Variants in CCDC146 observed in about 807,000 individuals in gnomAD.
CCDC146 encodes the protein coiled-coil domain-containing protein 146.
CCDC146 carries 92 observed loss-of-function variants against 119.3 expected under a neutral mutation model. That is an observed-to-expected ratio of 0.77 (90% confidence interval 0.65 to 0.92). The LOEUF is 0.92. Ranked by LOEUF, CCDC146 falls within the 40% of genes least tolerant of loss-of-function variation. The probability of loss-of-function intolerance (pLI) is 0.00; values close to 1 mark genes in which losing one functional copy is unlikely to be tolerated. For missense variants in CCDC146, 1,000 were observed against 1,103.0 expected, an observed-to-expected ratio of 0.91 and a Z score of 1.32; for synonymous variants, 372 against 371.8, an observed-to-expected ratio of 1.00 and a Z score of -0.01.
At chr7:77,151,630 TA>T (rs544058538) in intron 1 of CCDC146, among the ~76,000 whole-genome samples, 5 of 151,340 alleles carry the variant, frequency 3.3e-5, no homozygotes, top group Non-Finnish European at 4.4e-5. Flanking sequence ...TGATTTAAAT[TA>T]AAAAAAAACT....
intron 2 of CCDC146, among the ~76,000 whole-genome samples, chr7:77,222,818 G>T (rs896254023): frequency 6.6e-6 from 1 of 152,170 alleles, no homozygotes. Flanking sequence ...CAGATGCACC[G>T]GTGGTGGAGC....
chr7:77,194,152 C>T (rs553524444), intron 2 of CCDC146: 2 of 152,080 alleles, frequency 1.3e-5, no homozygotes, highest in South Asian at 4.2e-4. Flanking sequence ...ATACCTAGTT[C>T]CCATTAAATT....
intron 1 of CCDC146, among the ~76,000 whole-genome samples, chr7:77,134,392 A>C (rs1313106404): frequency 6.6e-6 from 1 of 152,268 alleles, no homozygotes; most frequent in African/African-American, 2.4e-5. Flanking sequence ...GAAGATAAAA[A>C]TAAGAACAGC....
At position 77,294,624 on chromosome 7, in the gene CCDC146, G is replaced by A. The variant is rs1356249091; in HGVS notation, c.2665-39G>A. Reference sequence around the variant, plus strand: ...CTAAGGATAAAGTGACTTCACCAGAGTTTTCAGAGAACTGAAAAGGAAAAA... The same window carrying A: ...CTAAGGATAAAGTGACTTCACCAGAATTTTCAGAGAACTGAAAAGGAAAAA... On this transcript the variant is annotated intron_variant, in intron 18 of 18. Coordinates refer to ENST00000285871, the MANE Select transcript of CCDC146 (RefSeq NM_020879.3). The A allele has an allele frequency of 4.4e-6, 7 of 1,592,720 alleles. No homozygotes were observed. In the East Asian group the frequency reaches 8.9e-5, roughly 20 times the overall value.
chr7:77,196,916 CTG>C lies in CCDC146; in HGVS notation c.156+29094_156+29095del. ...ACTATTTTTGGGATCAGGTGTAACT[CTG>C]TAGGTCTCACTGCTTCTTTTGCCTA... On this transcript the variant is annotated intron_variant, in intron 2 of 18. Coordinates refer to ENST00000285871, the MANE Select transcript of CCDC146 (RefSeq NM_020879.3). This position sits in a 1 kb window ranked among gnomAD's most constrained non-coding sequence, Gnocchi z 4.2. 6.2e-7 allele frequency: 1 copy of C among 1,613,832 alleles called. No homozygotes were observed. The highest frequency in any genetic ancestry group is 8.5e-7 in the Non-Finnish European group (1 of 1,179,928).
At position 77,292,763 on chromosome 7, in the gene CCDC146, C is replaced by T. The variant is rs111849260; in HGVS notation, c.2416-189C>T. Among the ~76,000 whole-genome samples the T allele has an allele frequency of 2.6e-3, 399 of 152,242 alleles. 2 individuals carry two copies. Among genetic ancestry groups the T allele is most frequent in the African/African-American group, 9.0e-3 (374 of 41,536 alleles). ...TTTTCTTGTTCTCTCCTTGTCCTTA[C>T]TTACACAGCCAGGGTGTTCGGCTCA... is the stretch of plus-strand genomic sequence containing the variant. On this transcript the variant is annotated intron_variant, in intron 17 of 18. Coordinates refer to ENST00000285871, the MANE Select transcript of CCDC146 (RefSeq NM_020879.3).
intron 2 of CCDC146, among the ~76,000 whole-genome samples, chr7:77,216,466 G>C (rs952057799): frequency 6.6e-6 from 1 of 152,070 alleles, no homozygotes; most frequent in African/African-American, 2.4e-5. Flanking sequence ...GGCCAGCTTT[G>C]TGACCTTGCT....
At chr7:77,128,707 C>T (rs1790742545) in intron 1 of CCDC146, among the ~76,000 whole-genome samples, 1 of 152,020 alleles carries the variant, frequency 6.6e-6, no homozygotes, top group Non-Finnish European at 1.5e-5. Flanking sequence ...TGCACTGCCA[C>T]TGCCAGGCTG....
chr7:77,151,806 C>T (rs1791112415), intron 1 of CCDC146, among the ~76,000 whole-genome samples: 1 of 152,124 alleles, frequency 6.6e-6, no homozygotes, highest in African/African-American at 2.4e-5. Context: ...AGACATAGGT[C>T]TCAATGGTGG....
chr7:77,293,221 T>C, intron 18 of CCDC146, 21 bp downstream of exon 18: 1 of 1,610,610 alleles, frequency 6.2e-7, no homozygotes, highest in East Asian at 2.2e-5. Flanking sequence ...GCTCCTGTAT[T>C]GCATTTCTAA....
chr7:77,170,319 A>T (rs1791402275), intron 2 of CCDC146, among the ~76,000 whole-genome samples: 1 of 151,148 alleles, frequency 6.6e-6, no homozygotes. Flanking sequence ...ATCCTCCTAT[A>T]TGGTTGCATA....
chr7:77,239,701 G>A (rs914695402), intron 3 of CCDC146, among the ~76,000 whole-genome samples: 1 of 152,218 alleles, frequency 6.6e-6, no homozygotes, highest in Admixed American at 6.5e-5. Context: ...CTTCAAATAG[G>A]AGAGGTAGCT....
At chr7:77,185,030 C>T (rs758053688) in intron 2 of CCDC146, among the ~76,000 whole-genome samples, 1 of 151,750 alleles carries the variant, frequency 6.6e-6, no homozygotes, top group East Asian at 1.9e-4. Flanking sequence ...ATGTCAGGAC[C>T]GCTGAAAATG....
rs577991628 is a variant in CCDC146 at position 77,258,982 on chromosome 7, G to T, written c.685-13G>T. On this transcript the variant is annotated splice_polypyrimidine_tract_variant and intron_variant, in intron 6 of 18. Coordinates refer to ENST00000285871, the MANE Select transcript of CCDC146 (RefSeq NM_020879.3). ...AGACCGCATAATTTAACATGATTTCGTTTCTTTACTAGGATGAAGTGGCCC... is the reference window on the plus strand; with the variant it reads ...AGACCGCATAATTTAACATGATTTCTTTTCTTTACTAGGATGAAGTGGCCC... 1.3e-6 allele frequency: 2 copies of T among 1,594,368 alleles called. No homozygotes were observed. Among genetic ancestry groups the T allele is most frequent in the Admixed American group, 1.7e-5 (1 of 59,096 alleles).
chr7:77,212,429 G>A (rs777945212), intron 2 of CCDC146, among the ~76,000 whole-genome samples: 13 of 151,832 alleles, frequency 8.6e-5, no homozygotes, highest in Non-Finnish European at 1.5e-4. Flanking sequence ...AGACCATCCC[G>A]GCTAACATGG....
At chr7:77,130,743 C>A (rs568210251) in intron 1 of CCDC146, among the ~76,000 whole-genome samples, 1 of 149,620 alleles carries the variant, frequency 6.7e-6, no homozygotes, top group Non-Finnish European at 1.5e-5. Context: ...GGACTACAGG[C>A]GCGCGCCACC....
chr7:77,291,181 C>G (rs10247610), intron 17 of CCDC146, among the ~76,000 whole-genome samples: 79,704 of 151,882 alleles, frequency 0.52, 22,622 homozygotes, highest in African/African-American at 0.74. Flanking sequence ...ATGATGTGAA[C>G]AAAAAATAAG....
At chr7:77,208,890 G>C (rs1391204297) in intron 2 of CCDC146, among the ~76,000 whole-genome samples, 2 of 152,124 alleles carry the variant, frequency 1.3e-5, no homozygotes, top group Admixed American at 6.5e-5. Context: ...TTAAGAGATG[G>C]GGTCTCATTA....
intron 2 of CCDC146, among the ~76,000 whole-genome samples, chr7:77,193,093 T>C (rs1791801449): frequency 6.6e-6 from 1 of 152,154 alleles, no homozygotes; most frequent in African/African-American, 2.4e-5. Context: ...TCAGATGCGT[T>C]TGTGTTGTCC....
Sources: gnomAD v4.1 joint callset for allele counts (sites outside exome capture counted in the v4.1 genomes callset) on GRCh38, gnomAD v4.1.1 for gene constraint, Gnocchi (gnomAD v3.1) non-coding constraint, MANE v1.5 for transcripts, NCBI Gene and HGNC (gene_info 2026-07-23, HGNC 2026-07-21) for gene names.